Variants in RIPOR3 observed in about 807,000 individuals in gnomAD.
The protein encoded by RIPOR3 is family with sequence similarity 65 member C.
A neutral mutation model predicts 114.3 loss-of-function variants in RIPOR3; 95 were observed. That is an observed-to-expected ratio of 0.83 (90% CI 0.70 to 0.99). The LOEUF (loss-of-function observed/expected upper bound fraction) is 0.99. RIPOR3 is among the 50% of genes least tolerant of loss of function. The probability of loss-of-function intolerance (pLI) is 0.00; values close to 1 mark genes in which losing one functional copy is unlikely to be tolerated. For synonymous variants in RIPOR3, 575 were observed against 543.8 expected (o/e 1.06, Z -0.80); for missense variants, 1,252 against 1,266.9 (o/e 0.99, Z 0.18).
At chr20:50,644,262 G>A (rs2085311295) in intron 1 of RIPOR3, among the ~76,000 whole-genome samples, 1 of 152,026 alleles carries the variant, frequency 6.6e-6, no homozygotes, top group Non-Finnish European at 1.5e-5. Context: ...ATAAGCCACT[G>A]CACCTGACCC....
rs571004947 is a variant in RIPOR3, at chr20:50,597,208, C to T, written c.1790+372G>A. 4.5e-5 allele frequency: 8 copies of T among 177,730 alleles called. No homozygotes were observed. In the East Asian group the frequency reaches 4.7e-4, roughly 10 times the overall value. The allele number at this position is 177,730 out of a possible 1,614,324, so 11.0% of individuals were successfully genotyped here. ...CTTGAACTCCTGACCTCAGGTAATC[C>T]GCCTGCCTCGGCCTCCCAAAGTGTT... is the stretch of plus-strand genomic sequence containing the variant. On this transcript the variant is annotated intron_variant, in intron 14 of 21. Transcript: ENST00000327979.
At chr20:50,593,351 T>A (rs1376789672) in intron 17 of RIPOR3, among the ~76,000 whole-genome samples, 155 bp from the exon 18 acceptor site, 1 of 152,172 alleles carries the variant, frequency 6.6e-6, no homozygotes, top group Non-Finnish European at 1.5e-5. Context: ...GGTGGGCAGA[T>A]CACCTGAGGT....
chr20:50,599,182 C>A (rs2904273), intron 13 of RIPOR3, among the ~76,000 whole-genome samples: 100,542 of 151,856 alleles, frequency 0.66, 33,400 homozygotes, highest in Middle Eastern at 0.8. Flanking sequence ...ACCTGATGTC[C>A]GGAGTTCAAG....
chr20:50,685,827 A>AT (rs1426871411), intron 1 of RIPOR3, among the ~76,000 whole-genome samples: 5 of 150,606 alleles, frequency 3.3e-5, no homozygotes, highest in East Asian at 2.0e-4. Flanking sequence ...CTCAAAAAAA[A>AT]AAAAAAAAAC....
chr20:50,651,952 T>A (rs2085626031), intron 1 of RIPOR3, among the ~76,000 whole-genome samples: 1 of 152,236 alleles, frequency 6.6e-6, no homozygotes. Flanking sequence ...ACATGTGTTA[T>A]GTTATTGTGG....
rs1194158363 is a variant in RIPOR3, at chr20:50,642,787, G to A, written c.4-11931C>T. On this transcript the variant is annotated intron_variant, in intron 1 of 21. Coordinates refer to ENST00000327979, the MANE Select transcript of RIPOR3 (RefSeq NM_001290268.2). ...TCAGAGGCCAGGTGCTGTGGCTCAC[G>A]CCTGTAACCCCAGCACTTTGGGAGG... Among the ~76,000 whole-genome samples the A allele has an allele frequency of 6.6e-5, 10 of 152,034 alleles. No individual in the cohort carries two copies. In the South Asian group the frequency reaches 1.5e-3, roughly 22 times the overall value.
chr20:50,666,443 C>G (rs921780490), intron 1 of RIPOR3, among the ~76,000 whole-genome samples: 1 of 151,306 alleles, frequency 6.6e-6, no homozygotes, highest in African/African-American at 2.4e-5. Flanking sequence ...AGGCTGGTCT[C>G]GAATTCCTGA....
At chr20:50,597,467 T>G in intron 14 of RIPOR3, 113 bp downstream of exon 14, 1 of 1,432,226 alleles carries the variant, frequency 7.0e-7, no homozygotes, top group Non-Finnish European at 9.4e-7. Flanking sequence ...TGACAAGAGC[T>G]GAGCCAAGGA....
At chr20:50,635,433 C>G (rs1390999887) in intron 1 of RIPOR3, among the ~76,000 whole-genome samples, 1 of 152,098 alleles carries the variant, frequency 6.6e-6, no homozygotes, top group Non-Finnish European at 1.5e-5. Flanking sequence ...ATGGGCGGAT[C>G]ACTTGAGCCC....
intron 2 of RIPOR3, among the ~76,000 whole-genome samples, chr20:50,622,835 C>T (rs749540042): frequency 1.3e-5 from 2 of 152,230 alleles, no homozygotes; most frequent in African/African-American, 2.4e-5. Context: ...CCACGTAATA[C>T]ATCAGAGGAT....
chr20:50,647,717 C>A (rs1332291153), intron 1 of RIPOR3, among the ~76,000 whole-genome samples: 1 of 151,238 alleles, frequency 6.6e-6, no homozygotes, highest in African/African-American at 2.4e-5. Flanking sequence ...CTCCTGACCT[C>A]GTGATCCACC....
chr20:50,678,630 CA>C (rs1326197354), intron 1 of RIPOR3, among the ~76,000 whole-genome samples: 2 of 152,160 alleles, frequency 1.3e-5, no homozygotes, highest in African/African-American at 4.8e-5. Flanking sequence ...CGTCCATCAT[CA>C]GGGGACTGGA....
Position 50,602,213 on chromosome 20 carries a change from G to A in RIPOR3, c.1518C>T (p.Thr506=), listed in dbSNP as rs150809495. 81 of 1,613,578 alleles carry A rather than the reference G, an allele frequency of 5.0e-5. No homozygotes were observed. Among genetic ancestry groups the A allele is most frequent in the East Asian group, 1.6e-4 (7 of 44,882 alleles). ...CGCCAGGCCCGTCCTCTCTGTCCCC[G>A]GTTGCCCCTTCCTCGTGGCCGTTCT... ...SSQNGHEEGA[T]GDREDGPGVA... The change falls in exon 13 of 22, where the codon ACC becomes ACT. Residue 506 remains threonine (T), a synonymous_variant. Coordinates refer to ENST00000327979, the MANE Select transcript of RIPOR3 (RefSeq NM_001290268.2). The surrounding 1 kb of genome is among the most constrained non-coding windows in gnomAD (Gnocchi z 4.3).
Position 50,602,711 on chromosome 20 carries a change from G to A in RIPOR3, c.1087-67C>T. 1 of 1,272,960 alleles carries A rather than the reference G, an allele frequency of 7.9e-7. No individual in the cohort carries two copies. 78.9% of individuals were successfully genotyped at this position (1,272,960 alleles called of 1,614,324 possible). ...GGACCACAGCAAGTCCCCCAGAGGG[G>A]CTTCCCCTGACAGACACCCGCTGTG... On this transcript the variant is annotated intron_variant, in intron 12 of 21. Transcript: ENST00000327979. The surrounding 1 kb of genome is among the most constrained non-coding windows in gnomAD (Gnocchi z 4.3).
intron 1 of RIPOR3, among the ~76,000 whole-genome samples, chr20:50,643,292 T>TTG (rs568504678): frequency 1.2e-3 from 104 of 89,324 alleles, no homozygotes; most frequent in African/African-American, 4.6e-3. Flanking sequence ...AGGCTAATTT[T>TTG]TGTGTGTGTT....
chr20:50,664,806 G>A lies in RIPOR3; in HGVS notation c.3+26320C>T, dbSNP rs546990916. Among the ~76,000 whole-genome samples the A allele has an allele frequency of 1.3e-3, 193 of 152,080 alleles. No homozygotes were observed. The Middle Eastern group carries it at 0.024, about 19-fold the overall frequency. The stretch of plus-strand genomic sequence containing the variant: ...ATGAAGTGGGAAATCGGTGGGGGAA[G>A]AAAAAAGAAACCCGGCTGGGCACGG... On this transcript the variant is annotated intron_variant, in intron 1 of 21. Transcript: ENST00000327979.
At chr20:50,590,865 G>A (rs537784220) in intron 19 of RIPOR3, among the ~76,000 whole-genome samples, 1 of 151,212 alleles carries the variant, frequency 6.6e-6, no homozygotes, top group South Asian at 2.1e-4. Context: ...CCCAGCCTGG[G>A]GTGCAGTAGC....
intron 2 of RIPOR3, among the ~76,000 whole-genome samples, chr20:50,622,979 G>T (rs1425710170): frequency 6.6e-6 from 1 of 151,996 alleles, no homozygotes; most frequent in Non-Finnish European, 1.5e-5. Context: ...AACATTAGGT[G>T]CAGGCCAGGC....
chr20:50,634,979 G>A (rs2084936725), intron 1 of RIPOR3, among the ~76,000 whole-genome samples: 1 of 152,210 alleles, frequency 6.6e-6, no homozygotes, highest in African/African-American at 2.4e-5. Flanking sequence ...GTTGCAGTGA[G>A]CCGAGATCAA....
Sources: allele counts gnomAD v4.1 joint callset (sites outside exome capture counted in the v4.1 genomes callset), GRCh38; gene constraint gnomAD v4.1.1; non-coding constraint Gnocchi (gnomAD v3.1); transcripts MANE v1.5; gene names NCBI Gene and HGNC (gene_info 2026-07-23, HGNC 2026-07-21).